The following GABBR1 variants were observed in gnomAD, a reference collection of about 807,000 sequenced individuals.
GABBR1 encodes GABA-B receptor, R1 subunit.
A neutral mutation model predicts 117.7 loss-of-function variants in GABBR1; 35 were observed. The ratio of observed to expected loss-of-function variants is 0.30; its 90% confidence interval spans 0.23 to 0.39. The LOEUF is 0.39. GABBR1 is among the 10% of genes least tolerant of loss of function. The pLI, the probability that GABBR1 is intolerant of heterozygous loss-of-function variation, is 1.00. For missense variants in GABBR1, 709 were observed against 1,241.8 expected (o/e 0.57, Z 6.45); for synonymous variants, 442 against 486.6 (o/e 0.91, Z 1.21).
rs1761559790 is a variant in GABBR1, at chr6:29,603,218, G to A, written c.*325C>T. On this transcript the variant is annotated 3_prime_UTR_variant, in exon 23 of 23. Transcript: ENST00000377034. Reference sequence around the variant, plus strand: ...GGGTTGCCGTGGTAACTAGAAGAGGGTGTTGCATGGGAAGAGAAAGATGCA... The same window carrying A: ...GGGTTGCCGTGGTAACTAGAAGAGGATGTTGCATGGGAAGAGAAAGATGCA... The A allele has an allele frequency of 1.8e-6, 1 of 546,812 alleles. No individual in the cohort carries two copies. Among genetic ancestry groups the A allele is most frequent in the Non-Finnish European group, 3.5e-6 (1 of 284,986 alleles). 33.9% of individuals were successfully genotyped at this position (546,812 alleles called of 1,614,324 possible).
chr6:29,624,506 T>G (rs1190132082), intron 6 of GABBR1, among the ~76,000 whole-genome samples: 1 of 152,082 alleles, frequency 6.6e-6, no homozygotes, highest in Non-Finnish European at 1.5e-5. Context: ...TCCATTTGTT[T>G]CCTCCCTCTT....
At chr6:29,629,349 A>T in intron 4 of GABBR1, 1 of 665,958 alleles carries the variant, frequency 1.5e-6, no homozygotes, top group Non-Finnish European at 2.7e-6. Flanking sequence ...GAATGCCAAT[A>T]GCTAAGTTTG....
In GABBR1 at chr6:29,606,970, C is replaced by A; in HGVS notation, c.2144G>T (p.Gly715Val). ...GAGGACATCCATGCCCACCAGCAGG[C>A]CCACTGTGGCATACAGCTTCCAGGG... ...LEPWKLYATV[G>V]LLVGMDVLTL... Residue 715 changes from glycine (G) to valine (V), a missense_variant, in exon 18 of 23, where the codon GGC becomes GTC. By Grantham distance (109) the Gly-to-Val change is moderately radical. This residue lies in a region of GABBR1 where 251 missense variants were observed against 445.3 expected (regional missense o/e 0.56). Coordinates refer to ENST00000377034, the MANE Select transcript of GABBR1 (RefSeq NM_001470.4). This position sits in a 1 kb window ranked among gnomAD's most constrained non-coding sequence, Gnocchi z 4.5. 1.9e-6 allele frequency: 3 copies of A among 1,614,222 alleles called. No individual in the cohort carries two copies. The highest frequency in any genetic ancestry group is 2.5e-6 in the Non-Finnish European group (3 of 1,180,044).
intron 16 of GABBR1, 47 bp downstream of exon 16, chr6:29,608,554 G>C: frequency 6.3e-7 from 1 of 1,593,282 alleles, no homozygotes; most frequent in Middle Eastern, 1.7e-4. Flanking sequence ...TCCTGAGACG[G>C]GTGGGAGAGT....
At chr6:29,616,095 G>A (rs757621244) in intron 11 of GABBR1, among the ~76,000 whole-genome samples, 11 of 152,176 alleles carry the variant, frequency 7.2e-5, no homozygotes, top group Non-Finnish European at 1.5e-4. Flanking sequence ...CAGCTACTCC[G>A]GAGGCTGAGG....
At position 29,621,614 on chromosome 6, in the gene GABBR1, AACAG is replaced by A; in HGVS notation, c.1131+134_1131+137del. 1.3e-6 allele frequency: 1 copy of A among 760,150 alleles called. No homozygotes were observed. The highest frequency in any genetic ancestry group is 2.3e-6 in the Non-Finnish European group (1 of 441,578). 47.1% of individuals were successfully genotyped at this position (760,150 alleles called of 1,614,324 possible). ...GCAGACAAGGGATGCAGTCAGAGCC[AACAG>A]ACAGAGACATCCTATGAATCGTCAC... On this transcript the variant is annotated intron_variant, in intron 10 of 22. Transcript: ENST00000377034. The surrounding 1 kb of genome is among the most constrained non-coding windows in gnomAD (Gnocchi z 5.0).
At chr6:29,616,846 CAAAA>C (rs28383807) in intron 11 of GABBR1, among the ~76,000 whole-genome samples, 1 of 74,434 alleles carries the variant, frequency 1.3e-5, no homozygotes, top group Non-Finnish European at 2.7e-5. Flanking sequence ...TACTCTACCT[CAAAA>C]AAAAAAAAAA....
Position 29,611,289 on chromosome 6 carries a change from A to G in GABBR1, c.1631-288T>C. The G allele has an allele frequency of 2.9e-6, 1 of 350,216 alleles. No homozygotes were observed. The highest frequency in any genetic ancestry group is 1.1e-4 in the South Asian group (1 of 9,132). The allele number at this position is 350,216 out of a possible 1,614,324, so 21.7% of individuals were successfully genotyped here. A position where few individuals can be genotyped will look rare whatever the true frequency, so the allele number is the denominator to read the frequency against. On this transcript the variant is annotated intron_variant, in intron 13 of 22. Coordinates refer to ENST00000377034, the MANE Select transcript of GABBR1 (RefSeq NM_001470.4). This position sits in a 1 kb window ranked among gnomAD's most constrained non-coding sequence, Gnocchi z 4.6. ...GTCTGCCACCTATTCCATTCCTCAC[A>G]CCTCTCTCGGCGAGATGTCTCTCAC...
chr6:29,616,861 A>G (rs1763169265), intron 11 of GABBR1, among the ~76,000 whole-genome samples: 1 of 150,058 alleles, frequency 6.7e-6, no homozygotes, highest in South Asian at 2.1e-4. Context: ...AAAAAAAAAA[A>G]AAAAGGCTGG....
chr6:29,629,345 C>T, intron 4 of GABBR1: 1 of 669,086 alleles, frequency 1.5e-6, no homozygotes, highest in Non-Finnish European at 2.7e-6. Context: ...ACGGGAATGC[C>T]AATAGCTAAG....
rs971397090 is a variant in GABBR1, at chr6:29,623,550, C to T, written c.793-75G>A. On this transcript the variant is annotated intron_variant, in intron 7 of 22. Transcript: ENST00000377034. This position sits in a 1 kb window ranked among gnomAD's most constrained non-coding sequence, Gnocchi z 6.2. ...CAAGAGTGGCCAAGAGTTCCTTTAACCCTCTTCCTGCCTTTGGGTTTCTCT... is the reference window on the plus strand; with the variant it reads ...CAAGAGTGGCCAAGAGTTCCTTTAATCCTCTTCCTGCCTTTGGGTTTCTCT... The T allele has an allele frequency of 1.4e-6, 2 of 1,436,330 alleles. No homozygotes were observed. The highest frequency in any genetic ancestry group is 3.8e-5 in the Admixed American group (2 of 53,058). 89.0% of individuals were successfully genotyped at this position (1,436,330 alleles called of 1,614,324 possible).
Position 29,613,548 on chromosome 6 carries a change from A to C in GABBR1, c.1324-63T>G. ...TGTGTGGGTGTGGGGGAAGGGGTGC[A>C]ATCCAATTCTGACTCAATCACTTCT... On this transcript the variant is annotated intron_variant, in intron 11 of 22. Transcript: ENST00000377034. The surrounding 1 kb of genome is among the most constrained non-coding windows in gnomAD (Gnocchi z 4.1). 1 of 1,562,380 alleles carries C rather than the reference A, an allele frequency of 6.4e-7. No homozygotes were observed. The highest frequency in any genetic ancestry group is 1.4e-5 in the African/African-American group (1 of 73,776).
intron 6 of GABBR1, among the ~76,000 whole-genome samples, chr6:29,626,501 G>A (rs1229608354): frequency 1.3e-5 from 2 of 151,492 alleles, no homozygotes; most frequent in Non-Finnish European, 2.9e-5. Flanking sequence ...AGGGGAGAGG[G>A]GTGGGAAAAA....
chr6:29,616,578 A>C (rs1273322041), intron 11 of GABBR1, among the ~76,000 whole-genome samples: 1 of 150,524 alleles, frequency 6.6e-6, no homozygotes, highest in Admixed American at 6.6e-5. Flanking sequence ...CCAGCTATTC[A>C]GAAGGCTGAG....
At position 29,604,796 on chromosome 6, in the gene GABBR1, T is replaced by C. The variant is rs561568814; in HGVS notation, c.2568+64A>G. On this transcript the variant is annotated intron_variant, in intron 21 of 22. Transcript: ENST00000377034. The surrounding 1 kb of genome is among the most constrained non-coding windows in gnomAD (Gnocchi z 5.3). ...ACGGAAGGGCAGAGGAACTCAGTAA[T>C]ATAGGAAGGAGGGATGGAGGGAACA... 4 of 1,591,268 alleles carry C rather than the reference T, an allele frequency of 2.5e-6. No homozygotes were observed. The African/African-American group carries it at 4.0e-5, about 16-fold the overall frequency.
At position 29,631,402 on chromosome 6, in the gene GABBR1, G is replaced by T. The variant is rs771674630; in HGVS notation, c.283C>A (p.Arg95Ser). The T allele has an allele frequency of 3.1e-6, 5 of 1,614,006 alleles. No homozygotes were observed. The highest frequency in any genetic ancestry group is 1.1e-5 in the South Asian group (1 of 91,078). The part of the protein sequence containing the change: ...GSWTDMDTPS[R>S]CVRICSKSYL... ...GGCTTCCGAGGCTACTCACCACAGCGGCTGGGTGTGTCCATATCTGTCCAG... is the reference window on the plus strand; with the variant it reads ...GGCTTCCGAGGCTACTCACCACAGCTGCTGGGTGTGTCCATATCTGTCCAG... The change falls in exon 3 of 23, where the codon CGC becomes AGC. Residue 95 changes from arginine to serine, a missense_variant. By Grantham distance (110) the Arg-to-Ser change is moderately radical. Transcript: ENST00000377034. The surrounding 1 kb of genome is among the most constrained non-coding windows in gnomAD (Gnocchi z 5.9).
intron 5 of GABBR1, among the ~76,000 whole-genome samples, chr6:29,628,557 G>A (rs1025022261): frequency 6.6e-6 from 1 of 151,910 alleles, no homozygotes; most frequent in Admixed American, 6.6e-5. Context: ...GTAGACAGAA[G>A]CCTAAGAAAG....
chr6:29,627,955 C>G lies in GABBR1; in HGVS notation c.497-309G>C. Reference sequence around the variant, plus strand: ...AGAAGCAGGGAAGGTTGGCTTCCTACGGCCCCCGCGGCTCTCGCCACCGTC... The same window carrying G: ...AGAAGCAGGGAAGGTTGGCTTCCTAGGGCCCCCGCGGCTCTCGCCACCGTC... On this transcript the variant is annotated intron_variant, in intron 5 of 22. Coordinates refer to ENST00000377034, the MANE Select transcript of GABBR1 (RefSeq NM_001470.4). The surrounding 1 kb of genome is among the most constrained non-coding windows in gnomAD (Gnocchi z 4.4). The G allele has an allele frequency of 7.4e-7, 1 of 1,342,822 alleles. No homozygotes were observed. The highest frequency in any genetic ancestry group is 9.5e-7 in the Non-Finnish European group (1 of 1,056,226). 83.2% of individuals were successfully genotyped at this position (1,342,822 alleles called of 1,614,324 possible).
In GABBR1 at chr6:29,632,650, C is replaced by T. The variant is rs1319758644; in HGVS notation, c.-1+200G>A. On this transcript the variant is annotated intron_variant, in intron 1 of 22. Transcript: ENST00000377034. This position sits in a 1 kb window ranked among gnomAD's most constrained non-coding sequence, Gnocchi z 5.8. The stretch of plus-strand genomic sequence containing the variant: ...CCACCTCTCACCACCTCCTCTCCCC[C>T]GGCCCCCGCGGCTCGCAGAAGCCTG... 1.4e-6 allele frequency: 2 copies of T among 1,452,784 alleles called. No individual in the cohort carries two copies. Among genetic ancestry groups the T allele is most frequent in the Admixed American group, 4.4e-5 (2 of 45,232 alleles). 90.0% of individuals were successfully genotyped at this position (1,452,784 alleles called of 1,614,324 possible). A position where few individuals can be genotyped will look rare whatever the true frequency, so the allele number is the denominator to read the frequency against.
Sources: gnomAD v4.1 joint callset for allele counts (sites outside exome capture counted in the v4.1 genomes callset) on GRCh38, gnomAD v4.1.1 for gene constraint, gnomAD v4.1.1 regional missense constraint, Gnocchi (gnomAD v3.1) non-coding constraint, MANE v1.5 for transcripts, NCBI Gene and HGNC (gene_info 2026-07-23, HGNC 2026-07-21) for gene names.